The following SSH2 variants were observed in gnomAD, a reference collection of about 807,000 sequenced individuals.
The protein encoded by SSH2 is slingshot protein phosphatase 2.
SSH2 carries 37 observed loss-of-function variants against 135.2 expected under a neutral mutation model. That is an observed-to-expected ratio of 0.27 (90% confidence interval 0.21 to 0.36). The LOEUF is 0.36. Among genes scored for constraint, SSH2 ranks in the 10% least tolerant of loss-of-function variants. The pLI is 1.00. For synonymous variants in SSH2, 628 were observed against 646.2 expected (o/e 0.97, Z 0.43); for missense variants, 1,408 against 1,765.3 (o/e 0.80, Z 3.63).
At chr17:29,769,286 A>G (rs955314012) in intron 3 of SSH2, among the ~76,000 whole-genome samples, 1 of 152,174 alleles carries the variant, frequency 6.6e-6, no homozygotes, top group African/African-American at 2.4e-5. Context: ...TTTAAACTGA[A>G]AAGGTCTATT....
chr17:29,684,484 A>AAG, intron 6 of SSH2, 79 bp downstream of exon 6: 2 of 150,878 alleles, frequency 1.3e-5, no homozygotes, highest in African/African-American at 1.4e-4. Flanking sequence ...CGTCCCCATT[A>AAG]AAAAAAAAAA....
chr17:29,734,802 C>T (rs1257980471), intron 3 of SSH2, among the ~76,000 whole-genome samples: 1 of 152,152 alleles, frequency 6.6e-6, no homozygotes, highest in Non-Finnish European at 1.5e-5. Flanking sequence ...GGAATATCTA[C>T]TCTAAGATTA....
intron 6 of SSH2, 40 bp downstream of exon 6, chr17:29,684,523 T>TAA: frequency 6.6e-7 from 1 of 1,525,222 alleles, no homozygotes; most frequent in South Asian, 1.2e-5. Flanking sequence ...ACAGGTTACT[T>TAA]AAAAAGCAGT....
intron 3 of SSH2, among the ~76,000 whole-genome samples, chr17:29,744,141 A>G (rs1025165463): frequency 4.6e-5 from 7 of 152,160 alleles, no homozygotes; most frequent in African/African-American, 1.7e-4. Flanking sequence ...AAAAGGCCCC[A>G]GAAGCCCCTG....
chr17:29,749,458 G>C (rs760338115), intron 3 of SSH2, among the ~76,000 whole-genome samples: 5 of 152,122 alleles, frequency 3.3e-5, no homozygotes, highest in Non-Finnish European at 5.9e-5. Context: ...AATACTGTAG[G>C]CCAACTGTAA....
intron 2 of SSH2, among the ~76,000 whole-genome samples, chr17:29,836,831 T>C (rs892294573): frequency 2.0e-5 from 3 of 152,236 alleles, no homozygotes; most frequent in Admixed American, 1.3e-4. Flanking sequence ...GATTAAGAAT[T>C]TGTTAAATTT....
chr17:29,696,727 T>A (rs1046143852), intron 4 of SSH2, among the ~76,000 whole-genome samples: 1 of 149,510 alleles, frequency 6.7e-6, no homozygotes, highest in Non-Finnish European at 1.5e-5. Context: ...CGCTCTGTCA[T>A]CCAGGCTGGA....
intron 1 of SSH2, among the ~76,000 whole-genome samples, chr17:29,890,979 C>G (rs1215931890): frequency 6.6e-6 from 1 of 152,138 alleles, no homozygotes; most frequent in Non-Finnish European, 1.5e-5. Context: ...TGGTCTTGAT[C>G]TCTTGACCTC....
chr17:29,744,570 C>T (rs1269018079), intron 3 of SSH2, among the ~76,000 whole-genome samples: 4 of 152,146 alleles, frequency 2.6e-5, no homozygotes, highest in South Asian at 2.1e-4. Context: ...GTGATTTTCA[C>T]GTGTATTTGA....
intron 3 of SSH2, among the ~76,000 whole-genome samples, chr17:29,704,501 A>T (rs2039118237): frequency 6.6e-6 from 1 of 152,136 alleles, no homozygotes; most frequent in Non-Finnish European, 1.5e-5. Context: ...TTGGAGTTTG[A>T]GACCAGGCTA....
intron 3 of SSH2, among the ~76,000 whole-genome samples, chr17:29,746,470 C>A (rs2040764182): frequency 1.4e-5 from 2 of 143,640 alleles, no homozygotes; most frequent in African/African-American, 5.3e-5. Context: ...ATCCCTTGAA[C>A]CCGGGAGGCG....
chr17:29,761,197 A>G (rs1252449116), intron 3 of SSH2: 1 of 1,289,686 alleles, frequency 7.8e-7, no homozygotes, highest in Non-Finnish European at 1.0e-6. Flanking sequence ...CGGAGAAGTA[A>G]GGAATCATGT....
intron 5 of SSH2, 57 bp downstream of exon 5, chr17:29,695,402 T>C: frequency 2.9e-6 from 4 of 1,374,180 alleles, no homozygotes; most frequent in Non-Finnish European, 2.1e-6. Context: ...CTGTTCAATT[T>C]TGGCTATCTT....
At chr17:29,657,737 AT>A (rs1347222616) in intron 11 of SSH2, among the ~76,000 whole-genome samples, 5 of 150,406 alleles carry the variant, frequency 3.3e-5, no homozygotes, top group Admixed American at 2.7e-4. Flanking sequence ...TGCCTTGCTA[AT>A]TTTTTTACTT....
At chr17:29,837,123 G>A (rs1157734388) in intron 2 of SSH2, among the ~76,000 whole-genome samples, 1 of 152,074 alleles carries the variant, frequency 6.6e-6, no homozygotes, top group African/African-American at 2.4e-5. Context: ...CAGGTGTGGT[G>A]GCAAGCACCT....
intron 6 of SSH2, among the ~76,000 whole-genome samples, chr17:29,679,360 C>G (rs1301422282): frequency 6.6e-6 from 1 of 151,906 alleles, no homozygotes; most frequent in Admixed American, 6.6e-5. Flanking sequence ...GCTCTGGAAC[C>G]TGGTTTCTTG....
intron 3 of SSH2, among the ~76,000 whole-genome samples, chr17:29,727,027 C>T (rs2040023761): frequency 6.6e-6 from 1 of 152,220 alleles, no homozygotes; most frequent in Non-Finnish European, 1.5e-5. Flanking sequence ...ATTTTGTTAT[C>T]ACACATGTCT....
intron 11 of SSH2, among the ~76,000 whole-genome samples, chr17:29,663,205 G>C (rs2037123984): frequency 1.3e-5 from 2 of 152,226 alleles, no homozygotes; most frequent in Non-Finnish European, 2.9e-5. Context: ...ACAGATCTCT[G>C]TGCAGTACAC....
intron 2 of SSH2, among the ~76,000 whole-genome samples, chr17:29,823,451 C>G (rs887404897): frequency 7.9e-5 from 12 of 152,186 alleles, no homozygotes; most frequent in Non-Finnish European, 1.8e-4. Context: ...ATTCCTCCAG[C>G]TCTAACACCC....
Sources: allele counts gnomAD v4.1 joint callset (sites outside exome capture counted in the v4.1 genomes callset), GRCh38; gene constraint gnomAD v4.1.1; transcripts MANE v1.5; gene names NCBI Gene and HGNC (gene_info 2026-07-23, HGNC 2026-07-21).